Variants in GPC5 observed in about 807,000 individuals in gnomAD.
GPC5 encodes the protein glypican 5.
Under a neutral mutation model 53.9 loss-of-function variants are expected in GPC5, and 47 were observed. The observed-to-expected ratio is 0.87, with a 90% confidence interval of 0.69 to 1.11. The LOEUF (loss-of-function observed/expected upper bound fraction) is 1.11, where lower values mean the gene tolerates loss of function less well. GPC5 is among the 50% of genes most tolerant of loss of function. The pLI is 0.00. For missense variants in GPC5, 748 were observed against 713.1 expected (o/e 1.05, Z -0.56); for synonymous variants, 286 against 263.3 (o/e 1.09, Z -0.84).
At chr13:91,513,727 C>T (rs143870405) in intron 2 of GPC5, among the ~76,000 whole-genome samples, 7 of 151,978 alleles carry the variant, frequency 4.6e-5, no homozygotes, top group South Asian at 4.2e-4. Flanking sequence ...GGCAACAGAG[C>T]GAGACGCCAT....
intron 4 of GPC5, 102 bp downstream of exon 4, chr13:91,728,767 GA>G (rs1476310380): frequency 1.1e-5 from 12 of 1,079,866 alleles, no homozygotes; most frequent in Non-Finnish European, 1.5e-5. Context: ...ATTCAATATG[GA>G]CAAAAAAAAA....
chr13:91,740,117 T>C (rs1367491623), intron 4 of GPC5, among the ~76,000 whole-genome samples: 2 of 152,142 alleles, frequency 1.3e-5, no homozygotes, highest in East Asian at 3.9e-4. Flanking sequence ...CTTCCCTTTC[T>C]CGCTTTTACC....
intron 2 of GPC5, among the ~76,000 whole-genome samples, chr13:91,460,353 A>G (rs1881854892): frequency 6.6e-6 from 1 of 151,434 alleles, no homozygotes; most frequent in Non-Finnish European, 1.5e-5. Context: ...CCTGGAGTAC[A>G]GTGGCGTGGT....
In GPC5 at chr13:91,615,461, A is replaced by G. The variant is rs1282919959; in HGVS notation, c.326-77726A>G. Reference sequence around the variant, plus strand: ...TTTGCCACACCTAGTTTCAAGGGAGACTAAAAATGCAGGCTTTATTTTGCA... The same window carrying G: ...TTTGCCACACCTAGTTTCAAGGGAGGCTAAAAATGCAGGCTTTATTTTGCA... On this transcript the variant is annotated intron_variant, in intron 2 of 7. Coordinates refer to ENST00000377067, the MANE Select transcript of GPC5 (RefSeq NM_004466.6). 4.6e-5 allele frequency among the ~76,000 whole-genome samples: 7 copies of G among 152,302 alleles called. No individual in the cohort carries two copies. In the East Asian group the frequency reaches 7.7e-4, roughly 17 times the overall value.
intron 2 of GPC5, among the ~76,000 whole-genome samples, chr13:91,489,681 G>A (rs1359629229): frequency 6.6e-6 from 1 of 151,980 alleles, no homozygotes; most frequent in Non-Finnish European, 1.5e-5. Flanking sequence ...CATCATAATG[G>A]CATCTTATAG....
rs1373987956 is a variant in GPC5, at chr13:92,302,974, TTATTTC to T, written c.1561+157990_1561+157995del. On this transcript the variant is annotated intron_variant, in intron 7 of 7. Coordinates refer to ENST00000377067, the MANE Select transcript of GPC5 (RefSeq NM_004466.6). ...CTTTTTGTTTTCATTTTCAAAACCT[TTATTTC>T]TATTATCCAAAATTACTTTATCACT... Among the ~76,000 whole-genome samples the T allele has an allele frequency of 5.3e-5, 8 of 152,356 alleles. No individual in the cohort carries two copies. In the East Asian group the frequency reaches 1.5e-3, roughly 29 times the overall value.
chr13:91,472,920 T>C (rs934150599), intron 2 of GPC5, among the ~76,000 whole-genome samples: 1 of 152,144 alleles, frequency 6.6e-6, no homozygotes, highest in African/African-American at 2.4e-5. Flanking sequence ...TACAGAGATG[T>C]AGGTCTGAAT....
intron 2 of GPC5, among the ~76,000 whole-genome samples, chr13:91,588,795 T>G (rs2032691878): frequency 6.6e-6 from 1 of 152,142 alleles, no homozygotes; most frequent in African/African-American, 2.4e-5. Flanking sequence ...TTCATTCTTT[T>G]GGCTCTGGCA....
chr13:92,540,409 A>C (rs958389297), intron 7 of GPC5, among the ~76,000 whole-genome samples: 1 of 151,986 alleles, frequency 6.6e-6, no homozygotes, highest in Non-Finnish European at 1.5e-5. Flanking sequence ...TTGTGAATTA[A>C]ATAAAGAAAA....
chr13:91,685,983 G>T (rs1004522060), intron 2 of GPC5, among the ~76,000 whole-genome samples: 1 of 151,446 alleles, frequency 6.6e-6, no homozygotes, highest in Non-Finnish European at 1.5e-5. Context: ...AAAGGATATT[G>T]GTTTACTTGT....
rs1193001323 is a variant in GPC5, at chr13:91,912,348, C to T, written c.1401+4291C>T. Among the ~76,000 whole-genome samples, 21 of 151,312 alleles carry T rather than the reference C, an allele frequency of 1.4e-4. No homozygotes were observed. The East Asian group carries it at 3.7e-3, about 27-fold the overall frequency. On this transcript the variant is annotated intron_variant, in intron 6 of 7. Coordinates refer to ENST00000377067, the MANE Select transcript of GPC5 (RefSeq NM_004466.6). ...TCCAGGAGACAGAGTGAGACTCTGT[C>T]TCCCAACAACAACAACAACAAAGAA... is the stretch of plus-strand genomic sequence containing the variant.
intron 6 of GPC5, among the ~76,000 whole-genome samples, chr13:92,056,662 G>A (rs2041076940): frequency 6.6e-6 from 1 of 152,074 alleles, no homozygotes; most frequent in South Asian, 2.1e-4. Context: ...AATAAAAGGT[G>A]GTGATCCAAT....
intron 7 of GPC5, among the ~76,000 whole-genome samples, chr13:92,401,177 A>ATT (rs76161192): frequency 0.1 from 14,138 of 140,692 alleles, 909 homozygotes; most frequent in East Asian, 0.31. Context: ...CTAGCCATCT[A>ATT]TTTTTTTTTT....
rs531503987 is a variant in GPC5 at position 92,382,920 on chromosome 13, G to A, written c.1561+237931G>A. ...CGGGAGGCTGAGGCAGGAGAATAGC[G>A]CGAACCCGGGAGGCGGAGCTTGCAG... On this transcript the variant is annotated intron_variant, in intron 7 of 7. Transcript: ENST00000377067. Among the ~76,000 whole-genome samples, 6 of 148,178 alleles carry A rather than the reference G, an allele frequency of 4.0e-5. No individual in the cohort carries two copies. The East Asian group carries it at 1.2e-3, about 30-fold the overall frequency.
intron 7 of GPC5, among the ~76,000 whole-genome samples, chr13:92,282,774 G>A (rs2042925820): frequency 6.6e-6 from 1 of 152,114 alleles, no homozygotes; most frequent in Non-Finnish European, 1.5e-5. Context: ...AAAGATACCG[G>A]CCACTGCAAT....
chr13:91,428,821 G>A (rs1006942990), intron 1 of GPC5, among the ~76,000 whole-genome samples: 17 of 151,716 alleles, frequency 1.1e-4, no homozygotes, highest in Admixed American at 7.2e-4. Context: ...GACATTTTTT[G>A]TATAGCATAC....
intron 7 of GPC5, among the ~76,000 whole-genome samples, chr13:92,394,199 ATTATAC>A (rs1875152671): frequency 6.6e-6 from 1 of 152,176 alleles, no homozygotes; most frequent in Admixed American, 6.6e-5. Flanking sequence ...ATAGTATATT[ATTATAC>A]TTATCTACAT....
At chr13:92,290,221 T>C (rs1213165671) in intron 7 of GPC5, among the ~76,000 whole-genome samples, 1 of 152,222 alleles carries the variant, frequency 6.6e-6, no homozygotes, top group African/African-American at 2.4e-5. Flanking sequence ...TAATTGATTA[T>C]GCAACATACT....
At chr13:91,557,627 G>T (rs188926215) in intron 2 of GPC5, among the ~76,000 whole-genome samples, 35 of 152,266 alleles carry the variant, frequency 2.3e-4, no homozygotes, top group African/African-American at 7.9e-4. Flanking sequence ...AATACAGTAT[G>T]TAAGATTTTT....
Sources: gnomAD v4.1 joint callset for allele counts (sites outside exome capture counted in the v4.1 genomes callset) on GRCh38, gnomAD v4.1.1 for gene constraint, MANE v1.5 for transcripts, NCBI Gene and HGNC (gene_info 2026-07-23, HGNC 2026-07-21) for gene names.